TSPAN12: variants seen among roughly 807,000 people sequenced by gnomAD.
TSPAN12 encodes tetraspanin 12, also known as tetraspanin-12.
A neutral mutation model predicts 39.2 loss-of-function variants in TSPAN12; 19 were observed. That is an observed-to-expected ratio of 0.49 (90% CI 0.34 to 0.71). The LOEUF (loss-of-function observed/expected upper bound fraction) is 0.71, where lower values mean the gene tolerates loss of function less well. TSPAN12 is among the 30% of genes least tolerant of loss of function. TSPAN12 has a pLI of 0.01. For missense variants in TSPAN12, 314 were observed against 359.9 expected (o/e 0.87, Z 1.03); for synonymous variants, 119 against 124.8 (o/e 0.95, Z 0.31).
At chr7:120,833,197 T>A (rs1006928113) in intron 4 of TSPAN12, among the ~76,000 whole-genome samples, 2 of 152,052 alleles carry the variant, frequency 1.3e-5, no homozygotes, top group African/African-American at 4.8e-5. Context: ...CATTTAGAAA[T>A]AAAGTTTAGG....
At chr7:120,847,676 C>G (rs1289472303) in intron 2 of TSPAN12, among the ~76,000 whole-genome samples, 1 of 152,196 alleles carries the variant, frequency 6.6e-6, no homozygotes, top group East Asian at 1.9e-4. Context: ...GAATTCCTCC[C>G]CCTTTTCTGC....
At chr7:120,818,629 C>A (rs1245870014) in intron 4 of TSPAN12, among the ~76,000 whole-genome samples, 1 of 152,002 alleles carries the variant, frequency 6.6e-6, no homozygotes, top group Admixed American at 6.6e-5. Context: ...CTTCATATTT[C>A]TTTCATATAA....
chr7:120,852,100 A>T (rs1260487780), intron 2 of TSPAN12, among the ~76,000 whole-genome samples: 2 of 147,332 alleles, frequency 1.4e-5, no homozygotes, highest in Admixed American at 6.7e-5. Flanking sequence ...TTTTTAACTT[A>T]AAAAAAAAAC....
At chr7:120,841,730 C>T (rs1480908427) in intron 2 of TSPAN12, among the ~76,000 whole-genome samples, 1 of 151,972 alleles carries the variant, frequency 6.6e-6, no homozygotes, top group East Asian at 1.9e-4. Context: ...AAAACCGAAA[C>T]ATAATGATGA....
chr7:120,808,343 A>G (rs1488852453), intron 6 of TSPAN12, among the ~76,000 whole-genome samples: 2 of 152,192 alleles, frequency 1.3e-5, no homozygotes, highest in African/African-American at 4.8e-5. Context: ...CTTCAACAGA[A>G]GATAATGAAT....
At position 120,837,317 on chromosome 7, in the gene TSPAN12, T is replaced by TTA. The variant is rs1170771911; in HGVS notation, c.285+1459_285+1460insTA. 2.3e-3 allele frequency among the ~76,000 whole-genome samples: 337 copies of TTA among 146,512 alleles called. 2 individuals carry two copies. Among genetic ancestry groups the TTA allele is most frequent in the African/African-American group, 8.2e-3 (321 of 39,318 alleles). The stretch of plus-strand genomic sequence containing the variant: ...TGGTTTATTTTATTCATTTATTTAT[T>TTA]TTTTTTTTTTTTGAGATGGAGTCTT... On this transcript the variant is annotated intron_variant, in intron 4 of 7. Coordinates refer to ENST00000222747, the MANE Select transcript of TSPAN12 (RefSeq NM_012338.4).
chr7:120,800,021 T>C (rs1793734419), intron 7 of TSPAN12, among the ~76,000 whole-genome samples: 1 of 151,398 alleles, frequency 6.6e-6, no homozygotes, highest in Admixed American at 6.6e-5. Context: ...TCTTTCTAAT[T>C]GGTCAAAGAT....
intron 4 of TSPAN12, among the ~76,000 whole-genome samples, chr7:120,832,783 G>C (rs1794411148): frequency 6.6e-6 from 1 of 152,088 alleles, no homozygotes; most frequent in Middle Eastern, 3.2e-3. Context: ...AAAAGGAAAG[G>C]AGAAACTGCT....
chr7:120,842,757 A>C (rs1159161828), intron 2 of TSPAN12, among the ~76,000 whole-genome samples: 1 of 152,028 alleles, frequency 6.6e-6, no homozygotes, highest in Non-Finnish European at 1.5e-5. Context: ...GTGGTTCTTG[A>C]CCTGTAAATA....
At chr7:120,845,258 G>A (rs1322109026) in intron 2 of TSPAN12, among the ~76,000 whole-genome samples, 1 of 152,152 alleles carries the variant, frequency 6.6e-6, no homozygotes, top group African/African-American at 2.4e-5. Context: ...TGATGGGAGG[G>A]TCTGCTATGA....
chr7:120,826,355 C>T (rs1794286221), intron 4 of TSPAN12, among the ~76,000 whole-genome samples: 1 of 152,140 alleles, frequency 6.6e-6, no homozygotes, highest in African/African-American at 2.4e-5. Flanking sequence ...GTCAATAAAA[C>T]ATCGGAGCAC....
rs59844630 is a variant in TSPAN12, at chr7:120,844,343, C to T, written c.67-4234G>A. Among the ~76,000 whole-genome samples, 1,035 of 152,262 alleles carry T rather than the reference C, an allele frequency of 6.8e-3. 8 individuals are homozygous for T. Among genetic ancestry groups the T allele is most frequent in the African/African-American group, 0.023 (967 of 41,542 alleles). On this transcript the variant is annotated intron_variant, in intron 2 of 7. Transcript: ENST00000222747. ...TTTCACATTCCAAAATACCATCATGCCTTTCCAACAGTCCCCCAAAGTCTT... is the reference window on the plus strand; with the variant it reads ...TTTCACATTCCAAAATACCATCATGTCTTTCCAACAGTCCCCCAAAGTCTT...
At chr7:120,830,884 C>T (rs145430744) in intron 4 of TSPAN12, among the ~76,000 whole-genome samples, 1 of 152,112 alleles carries the variant, frequency 6.6e-6, no homozygotes, top group African/African-American at 2.4e-5. Flanking sequence ...TATTTGCAAA[C>T]CATGTATCTG....
intron 7 of TSPAN12, among the ~76,000 whole-genome samples, chr7:120,801,485 G>A (rs983204370): frequency 3.3e-5 from 5 of 152,234 alleles, no homozygotes; most frequent in Admixed American, 1.3e-4. Context: ...AGGCACACAA[G>A]TGTGGAGGAC....
At chr7:120,812,323 G>GTA (rs772474364) in intron 5 of TSPAN12, among the ~76,000 whole-genome samples, 50 of 152,242 alleles carry the variant, frequency 3.3e-4, no homozygotes, top group Non-Finnish European at 5.6e-4. Flanking sequence ...TACACACACA[G>GTA]TATTAAGGCA....
At chr7:120,837,883 T>C (rs897312423) in intron 4 of TSPAN12, among the ~76,000 whole-genome samples, 2 of 152,210 alleles carry the variant, frequency 1.3e-5, no homozygotes, top group Non-Finnish European at 2.9e-5. Context: ...AAATTGACCA[T>C]GCTGGGAGAA....
At chr7:120,824,427 C>T (rs961697623) in intron 4 of TSPAN12, among the ~76,000 whole-genome samples, 1 of 151,430 alleles carries the variant, frequency 6.6e-6, no homozygotes, top group African/African-American at 2.4e-5. Context: ...GGTGATAGAG[C>T]GAGACTCCAT....
intron 2 of TSPAN12, among the ~76,000 whole-genome samples, chr7:120,851,502 T>A (rs1358667715): frequency 1.3e-5 from 2 of 152,206 alleles, no homozygotes; most frequent in Non-Finnish European, 1.5e-5. Flanking sequence ...AAACACATAT[T>A]TGATGAATTT....
Position 120,838,782 on chromosome 7 carries a change from C to G in TSPAN12, c.280G>C (p.Ala94Pro). 1 of 1,613,808 alleles carries G rather than the reference C, an allele frequency of 6.2e-7. No homozygotes were observed. Among genetic ancestry groups the G allele is most frequent in the Non-Finnish European group, 8.5e-7 (1 of 1,179,802 alleles). ...GAGAAAATATAACATCATACCCATGCAAGAAGCAACAGATTTCTTTTCACC... is the reference window on the plus strand; with the variant it reads ...GAGAAAATATAACATCATACCCATGGAAGAAGCAACAGATTTCTTTTCACC... ...GTVKRNLLLLAWYFGSLLVIF... is the reference protein window; with the variant it reads ...GTVKRNLLLLPWYFGSLLVIF... The change falls in exon 4 of 8, where the codon GCA (alanine) becomes CCA (proline). Residue 94 changes from alanine to proline, a missense_variant. Coordinates refer to ENST00000222747, the MANE Select transcript of TSPAN12 (RefSeq NM_012338.4).
Sources: gnomAD v4.1 joint callset for allele counts (sites outside exome capture counted in the v4.1 genomes callset) on GRCh38, gnomAD v4.1.1 for gene constraint, MANE v1.5 for transcripts, NCBI Gene and HGNC (gene_info 2026-07-23, HGNC 2026-07-21) for gene names.